Variants in FHOD3 observed in about 807,000 individuals in gnomAD.
The protein encoded by FHOD3 is FH1/FH2 domain-containing protein 3.
Under a neutral mutation model 173.0 loss-of-function variants are expected in FHOD3, and 90 were observed. That is an observed-to-expected ratio of 0.52 (90% confidence interval 0.44 to 0.62). FHOD3 has a LOEUF of 0.62. FHOD3 is among the 20% of genes least tolerant of loss of function. FHOD3 has a pLI of 0.00. For synonymous variants in FHOD3, 828 were observed against 823.0 expected, an observed-to-expected ratio of 1.01 and a Z score of -0.10; for missense variants, 1,945 against 2,034.7, an observed-to-expected ratio of 0.96 and a Z score of 0.85.
chr18:36,700,122 C>G (rs2039501016), intron 17 of FHOD3, among the ~76,000 whole-genome samples: 1 of 152,196 alleles, frequency 6.6e-6, no homozygotes, highest in Non-Finnish European at 1.5e-5. Flanking sequence ...TGAAGTTCCT[C>G]TCCAGCTCCT....
intron 3 of FHOD3, among the ~76,000 whole-genome samples, chr18:36,373,275 G>A (rs1042624225): frequency 2.0e-5 from 3 of 152,086 alleles, no homozygotes; most frequent in Admixed American, 6.6e-5. Context: ...GCCAAGTTGC[G>A]GCAAGAATAT....
At chr18:36,746,710 A>G (rs533728112) in intron 23 of FHOD3, among the ~76,000 whole-genome samples, 84 of 152,370 alleles carry the variant, frequency 5.5e-4, no homozygotes, top group African/African-American at 1.7e-3. Context: ...AATATGGCCA[A>G]AAAAGGTAAC....
At chr18:36,577,153 C>T (rs961663302) in intron 6 of FHOD3, among the ~76,000 whole-genome samples, 1 of 151,642 alleles carries the variant, frequency 6.6e-6, no homozygotes, top group Non-Finnish European at 1.5e-5. Flanking sequence ...ATTTCATGTT[C>T]GTGTGTACAT....
At chr18:36,424,633 T>C (rs1275940331) in intron 3 of FHOD3, among the ~76,000 whole-genome samples, 3 of 152,248 alleles carry the variant, frequency 2.0e-5, no homozygotes, top group Admixed American at 2.0e-4. Context: ...ACTCTAACTA[T>C]ATTCTGTTGT....
At chr18:36,635,759 G>A (rs146091108) in intron 10 of FHOD3, among the ~76,000 whole-genome samples, 296 of 152,330 alleles carry the variant, frequency 1.9e-3, no homozygotes, top group African/African-American at 6.9e-3. Context: ...TCCAATACCT[G>A]TAGGTGATGG....
At chr18:36,696,660 A>G (rs546706905) in intron 17 of FHOD3, among the ~76,000 whole-genome samples, 7 of 152,310 alleles carry the variant, frequency 4.6e-5, no homozygotes, top group East Asian at 1.9e-4. Flanking sequence ...CACCAAGTCA[A>G]TACATGCTTG....
intron 5 of FHOD3, among the ~76,000 whole-genome samples, chr18:36,529,220 C>T (rs754393392): frequency 1.6e-4 from 24 of 152,118 alleles, no homozygotes; most frequent in African/African-American, 5.1e-4. Context: ...AATATGGCAG[C>T]GTTCAGGGAC....
chr18:36,518,266 C>T (rs1049133230), intron 5 of FHOD3, among the ~76,000 whole-genome samples: 1 of 152,206 alleles, frequency 6.6e-6, no homozygotes, highest in Non-Finnish European at 1.5e-5. Context: ...CCTAGCCTGA[C>T]TCTCTGCAAC....
At chr18:36,401,112 G>A (rs1245459325) in intron 3 of FHOD3, among the ~76,000 whole-genome samples, 1 of 152,090 alleles carries the variant, frequency 6.6e-6, no homozygotes, top group Non-Finnish European at 1.5e-5. Context: ...GGCGTGCTGT[G>A]GTCTGAATAT....
intron 24 of FHOD3, among the ~76,000 whole-genome samples, chr18:36,753,791 A>C (rs568785080): frequency 3.3e-5 from 5 of 152,284 alleles, no homozygotes; most frequent in African/African-American, 9.6e-5. Flanking sequence ...TCTGATGTGT[A>C]TTCCTTAGTG....
chr18:36,370,991 A>T (rs542242052), intron 2 of FHOD3, among the ~76,000 whole-genome samples: 1 of 152,204 alleles, frequency 6.6e-6, no homozygotes, highest in Admixed American at 6.5e-5. Flanking sequence ...TTTGAGAGTG[A>T]GAGTTTTTTG....
At position 36,660,611 on chromosome 18, in the gene FHOD3, C is replaced by T. The variant is rs1019183654; in HGVS notation, c.1835+2423C>T. 1.2e-4 allele frequency among the ~76,000 whole-genome samples: 19 copies of T among 152,212 alleles called. No individual in the cohort carries two copies. The East Asian group carries it at 1.7e-3, about 14-fold the overall frequency. ...AAATGAGTAGAGGTTCAGGCTTGCA[C>T]GAGTGTATGGATGTTAGAAACAAGG... On this transcript the variant is annotated intron_variant, in intron 14 of 28. Coordinates refer to ENST00000590592, the MANE Select transcript of FHOD3 (RefSeq NM_001281740.3).
chr18:36,433,506 G>A (rs187694760), intron 3 of FHOD3, among the ~76,000 whole-genome samples: 31 of 152,304 alleles, frequency 2.0e-4, no homozygotes, highest in African/African-American at 6.5e-4. Context: ...AATTCAACAC[G>A]TTAGGATTTT....
rs919351183 is a variant in FHOD3, at chr18:36,655,071, T to G, written c.1721+1655T>G. On this transcript the variant is annotated intron_variant, in intron 13 of 28. Transcript: ENST00000590592. The stretch of plus-strand genomic sequence containing the variant: ...TTTCCTTCTTTTTTTTTTTTTTTTT[T>G]GTACCCCAATCATACTATCCCAGTG... Among the ~76,000 whole-genome samples the G allele has an allele frequency of 4.9e-5, 5 of 102,026 alleles. No homozygotes were observed. The South Asian group carries it at 1.3e-3, about 26-fold the overall frequency. 66.9% of individuals were successfully genotyped at this position (102,026 alleles called of 152,430 possible).
intron 15 of FHOD3, among the ~76,000 whole-genome samples, chr18:36,686,774 A>G (rs2038648000): frequency 6.6e-6 from 1 of 152,076 alleles, no homozygotes; most frequent in Non-Finnish European, 1.5e-5. Flanking sequence ...GATGCTAATC[A>G]CCTCCAAAAG....
chr18:36,761,497 C>G lies in FHOD3; in HGVS notation c.4624+715C>G, dbSNP rs55820741. Among the ~76,000 whole-genome samples the G allele has an allele frequency of 3.7e-3, 566 of 152,286 alleles. 5 individuals carry two copies. The highest frequency in any genetic ancestry group is 0.013 in the African/African-American group (541 of 41,568). On this transcript the variant is annotated intron_variant, in intron 27 of 28. Transcript: ENST00000590592. ...ACTGTTCTTGGAGGCCCCCTGTAGGCAGGTCCTGTCCTATCTCCCAAGCTT... is the reference window on the plus strand; with the variant it reads ...ACTGTTCTTGGAGGCCCCCTGTAGGGAGGTCCTGTCCTATCTCCCAAGCTT...
At chr18:36,651,211 T>C (rs2036027963) in intron 11 of FHOD3, among the ~76,000 whole-genome samples, 3 of 152,188 alleles carry the variant, frequency 2.0e-5, no homozygotes, top group South Asian at 2.1e-4. Context: ...GGGAAACTGT[T>C]GGGTGCCTGC....
chr18:36,596,284 G>C (rs1357384208), intron 7 of FHOD3, among the ~76,000 whole-genome samples: 1 of 146,740 alleles, frequency 6.8e-6, no homozygotes, highest in African/African-American at 2.5e-5. Context: ...CCTCCCGAGT[G>C]GCTGGGACTA....
chr18:36,335,217 C>T (rs768331850), intron 1 of FHOD3, among the ~76,000 whole-genome samples: 4 of 152,174 alleles, frequency 2.6e-5, no homozygotes, highest in African/African-American at 9.7e-5. Flanking sequence ...AAAACTTGGC[C>T]GGGCGCGGTG....
Sources: gnomAD v4.1 joint callset for allele counts (sites outside exome capture counted in the v4.1 genomes callset) on GRCh38, gnomAD v4.1.1 for gene constraint, MANE v1.5 for transcripts, NCBI Gene and HGNC (gene_info 2026-07-23, HGNC 2026-07-21) for gene names.